Variants in SLC25A13 observed in about 807,000 individuals in gnomAD.
SLC25A13 encodes the protein solute carrier family 25 member 13, also known as electrogenic aspartate/glutamate antiporter SLC25A13, mitochondrial.
Under a neutral mutation model 85.5 loss-of-function variants are expected in SLC25A13, and 70 were observed. That is an observed-to-expected ratio of 0.82 (90% CI 0.68 to 1.00). The LOEUF is 1.00. Ranked by LOEUF, SLC25A13 falls within the 50% of genes least tolerant of loss-of-function variation. The pLI, the probability that SLC25A13 is intolerant of heterozygous loss-of-function variation, is 0.00. For synonymous variants in SLC25A13, 259 were observed against 288.7 expected, an observed-to-expected ratio of 0.90 and a Z score of 1.04; for missense variants, 765 against 819.8, an observed-to-expected ratio of 0.93 and a Z score of 0.82.
intron 3 of SLC25A13, among the ~76,000 whole-genome samples, chr7:96,262,642 GACTAGTCTCAAGGGCAAAGAATCTTGCAA>G (rs1376068286): frequency 6.6e-6 from 1 of 152,122 alleles, no homozygotes; most frequent in Non-Finnish European, 1.5e-5. Flanking sequence ...AGGGCTAAAT[GACTAGTCTCAAGGGCAAAGAATCTTGCAA>G]AGGCCATCAG....
At chr7:96,184,248 C>T in intron 11 of SLC25A13, 29 bp downstream of exon 11, 1 of 1,613,592 alleles carries the variant, frequency 6.2e-7, no homozygotes, top group African/African-American at 1.3e-5. Flanking sequence ...GTTATTTCAC[C>T]TAACAGGTAT....
intron 13 of SLC25A13, among the ~76,000 whole-genome samples, chr7:96,152,197 G>A (rs1342510833): frequency 6.6e-6 from 1 of 152,166 alleles, no homozygotes; most frequent in Non-Finnish European, 1.5e-5. Context: ...ACTCATGGAA[G>A]GTCCAGGATG....
chr7:96,306,924 G>A (rs2117016515), intron 1 of SLC25A13: 1 of 983,096 alleles, frequency 1.0e-6, no homozygotes, highest in Non-Finnish European at 1.6e-6. Context: ...TGTGCCTGGA[G>A]CCAGTCCCAC....
In SLC25A13 at chr7:96,224,961, C is replaced by T. The variant is rs148667608; in HGVS notation, c.328+9841G>A. Among the ~76,000 whole-genome samples the T allele has an allele frequency of 1.5e-3, 234 of 152,246 alleles. 3 individuals carry two copies. The highest frequency in any genetic ancestry group is 5.5e-3 in the African/African-American group (227 of 41,542). On this transcript the variant is annotated intron_variant, in intron 4 of 17. Transcript: ENST00000265631. ...GCAACACTATGACTGTGGCCACTTA[C>T]TCAACTTCCCCATGTCTATTTCCTC... is the stretch of plus-strand genomic sequence containing the variant.
intron 11 of SLC25A13, among the ~76,000 whole-genome samples, chr7:96,180,357 T>C (rs1176645577): frequency 6.6e-6 from 1 of 152,190 alleles, no homozygotes; most frequent in African/African-American, 2.4e-5. Context: ...TTTTTCTAAA[T>C]TGAGACAGAG....
At chr7:96,240,494 G>T (rs1286674551) in intron 3 of SLC25A13, among the ~76,000 whole-genome samples, 2 of 152,110 alleles carry the variant, frequency 1.3e-5, no homozygotes, top group Non-Finnish European at 2.9e-5. Context: ...GGTCCAGAGG[G>T]GCAGAAGGTA....
chr7:96,300,901 T>C (rs964101509), intron 1 of SLC25A13, among the ~76,000 whole-genome samples: 2 of 152,178 alleles, frequency 1.3e-5, no homozygotes, highest in Non-Finnish European at 2.9e-5. Flanking sequence ...TGTGTGGCTG[T>C]TCGGAATTTC....
intron 14 of SLC25A13, among the ~76,000 whole-genome samples, chr7:96,139,601 T>G (rs901584650): frequency 1.3e-4 from 20 of 152,176 alleles, no homozygotes; most frequent in African/African-American, 4.8e-4. Flanking sequence ...ACATTTTTAT[T>G]TATTTATTTA....
Position 96,150,493 on chromosome 7 carries a change from G to T in SLC25A13, c.1312-3797C>A, listed in dbSNP as rs180819464. ...AAGCAACTGTTATGGGCTGAACTGT[G>T]TTCTACCAAAAGTCATAGTTGAAGT... On this transcript the variant is annotated intron_variant, in intron 13 of 17. Coordinates refer to ENST00000265631, the MANE Select transcript of SLC25A13 (RefSeq NM_014251.3). Among the ~76,000 whole-genome samples, 310 of 152,240 alleles carry T rather than the reference G, an allele frequency of 2.0e-3. 3 individuals carry two copies. The highest frequency in any genetic ancestry group is 3.3e-3 in the Admixed American group (50 of 15,290).
chr7:96,274,017 C>A (rs1343476573), intron 3 of SLC25A13, among the ~76,000 whole-genome samples: 1 of 152,092 alleles, frequency 6.6e-6, no homozygotes. Flanking sequence ...GCAAAGAATC[C>A]CCCTTGGGGT....
At chr7:96,174,311 G>A (rs886237889) in intron 11 of SLC25A13, among the ~76,000 whole-genome samples, 1 of 152,154 alleles carries the variant, frequency 6.6e-6, no homozygotes, top group Non-Finnish European at 1.5e-5. Context: ...GGCAGCATAT[G>A]AGAAAAAACG....
At chr7:96,273,924 G>A (rs1475317999) in intron 3 of SLC25A13, among the ~76,000 whole-genome samples, 3 of 152,150 alleles carry the variant, frequency 2.0e-5, no homozygotes, top group Non-Finnish European at 4.4e-5. Context: ...GTTTTGCATA[G>A]TTTCAGCTTA....
chr7:96,285,245 T>C (rs1798842261), intron 2 of SLC25A13, among the ~76,000 whole-genome samples: 1 of 152,176 alleles, frequency 6.6e-6, no homozygotes, highest in Admixed American at 6.5e-5. Context: ...TTCCTCCTGC[T>C]GCCGCAACCC....
chr7:96,297,934 T>G (rs187731988), intron 1 of SLC25A13, among the ~76,000 whole-genome samples: 5 of 152,280 alleles, frequency 3.3e-5, no homozygotes, highest in Non-Finnish European at 4.4e-5. Context: ...CCAAAAACAT[T>G]GCTGGGGAAA....
At chr7:96,156,798 C>T (rs758326386) in intron 13 of SLC25A13, among the ~76,000 whole-genome samples, 10 of 152,190 alleles carry the variant, frequency 6.6e-5, no homozygotes, top group East Asian at 5.8e-4. Flanking sequence ...CCACCTGCCT[C>T]GGCCTACCAA....
At position 96,322,045 on chromosome 7, in the gene SLC25A13, C is replaced by T. The variant is rs1800378291; in HGVS notation, c.-89G>A. The T allele has an allele frequency of 6.7e-7, 1 of 1,500,932 alleles. No individual in the cohort carries two copies. Among genetic ancestry groups the T allele is most frequent in the Non-Finnish European group, 8.9e-7 (1 of 1,119,410 alleles). The allele number at this position is 1,500,932 out of a possible 1,614,324, so 93.0% of individuals were successfully genotyped here. On this transcript the variant is annotated 5_prime_UTR_variant, in exon 1 of 18. Coordinates refer to ENST00000265631, the MANE Select transcript of SLC25A13 (RefSeq NM_014251.3). ...GGCGGCTCACTTCTAGTCCCGGCGG[C>T]GGCGGCGGTGGGGGCGGCGATACGG...
intron 11 of SLC25A13, among the ~76,000 whole-genome samples, chr7:96,183,083 C>T (rs1354940438): frequency 2.6e-5 from 4 of 152,054 alleles, no homozygotes. Context: ...AGGCAGTGAC[C>T]CTGAAAGGGT....
At chr7:96,144,979 T>A (rs956936606) in intron 14 of SLC25A13, among the ~76,000 whole-genome samples, 1 of 152,176 alleles carries the variant, frequency 6.6e-6, no homozygotes, top group African/African-American at 2.4e-5. Context: ...TATTACAGAC[T>A]GCAAGAGCCT....
chr7:96,200,614 G>A (rs1052191213), intron 5 of SLC25A13, among the ~76,000 whole-genome samples: 2 of 151,930 alleles, frequency 1.3e-5, no homozygotes, highest in Non-Finnish European at 2.9e-5. Flanking sequence ...TTCACTGGGT[G>A]AGGCCTTTAA....
Sources: allele counts gnomAD v4.1 joint callset (sites outside exome capture counted in the v4.1 genomes callset), GRCh38; gene constraint gnomAD v4.1.1; transcripts MANE v1.5; gene names NCBI Gene and HGNC (gene_info 2026-07-23, HGNC 2026-07-21).